The following HEPACAM2 variants were observed in gnomAD, a reference collection of about 807,000 sequenced individuals.
HEPACAM2 encodes HEPACAM family member 2.
In HEPACAM2, 49 loss-of-function variants were observed where a neutral mutation model predicts 49.6. The observed-to-expected ratio is 0.99, with a 90% confidence interval of 0.78 to 1.25. The LOEUF (loss-of-function observed/expected upper bound fraction) is 1.25, where lower values mean the gene tolerates loss of function less well. HEPACAM2 is among the 50% of genes most tolerant of loss of function. The pLI is 0.00. For synonymous variants in HEPACAM2, 197 were observed against 202.9 expected, an observed-to-expected ratio of 0.97 and a Z score of 0.25; for missense variants, 525 against 557.2, an observed-to-expected ratio of 0.94 and a Z score of 0.58.
chr7:93,228,958 C>G (rs757844035), upstream of HEPACAM2, among the ~76,000 whole-genome samples: 9 of 152,012 alleles, frequency 5.9e-5, no homozygotes, highest in Non-Finnish European at 1.0e-4. Context: ...AGTTTACAAT[C>G]TAGTTTATTT....
At chr7:93,208,446 G>T in intron 4 of HEPACAM2, 134 bp downstream of exon 4, 3 of 775,802 alleles carry the variant, frequency 3.9e-6, no homozygotes, top group East Asian at 3.0e-5. Flanking sequence ...GTTAACTTTG[G>T]AAAGAGAGAT....
At chr7:93,202,033 A>AAAAAAAAAAAAAAAAAAAAAAC (rs1562824501) in intron 4 of HEPACAM2, among the ~76,000 whole-genome samples, 1 of 14,622 alleles carries the variant, frequency 6.8e-5, no homozygotes, top group African/African-American at 3.1e-4. Flanking sequence ...AAAAAAAACC[A>AAAAAAAAAAAAAAAAAAAAAAC]AAAAAAAAAA....
chr7:93,224,950 G>A (rs7806953), intron 1 of HEPACAM2, among the ~76,000 whole-genome samples: 78,744 of 152,032 alleles, frequency 0.52, 24,521 homozygotes, highest in African/African-American at 0.88. Flanking sequence ...AGATTGCCAA[G>A]TCATCTGTGG....
chr7:93,227,923 C>CT (rs1794567159), upstream of HEPACAM2, among the ~76,000 whole-genome samples: 1 of 152,182 alleles, frequency 6.6e-6, no homozygotes, highest in South Asian at 2.1e-4. Flanking sequence ...AAACAAAACT[C>CT]TAAGTGCTCC....
chr7:93,191,551 C>T (rs949735029), intron 9 of HEPACAM2, among the ~76,000 whole-genome samples: 19 of 152,130 alleles, frequency 1.2e-4, no homozygotes, highest in African/African-American at 4.3e-4. Flanking sequence ...TGATCTGTGG[C>T]AGTTATGACT....
chr7:93,214,906 A>G (rs1050481846), intron 3 of HEPACAM2, among the ~76,000 whole-genome samples: 2 of 152,210 alleles, frequency 1.3e-5, no homozygotes, highest in East Asian at 3.8e-4. Flanking sequence ...ACCTATGGCT[A>G]GAGTTTAAAG....
chr7:93,208,556 C>T, intron 4 of HEPACAM2, 24 bp downstream of exon 4: 1 of 1,597,186 alleles, frequency 6.3e-7, no homozygotes, highest in Non-Finnish European at 8.6e-7. Context: ...TTATTAGGAT[C>T]CCTTCCTTGT....
At chr7:93,225,243 GAC>G (rs1189200609) in intron 1 of HEPACAM2, among the ~76,000 whole-genome samples, 1 of 152,068 alleles carries the variant, frequency 6.6e-6, no homozygotes, top group Non-Finnish European at 1.5e-5. Context: ...CAAAGGTAGT[GAC>G]AGTTATAATA....
At chr7:93,217,319 T>C (rs1326245745) in intron 2 of HEPACAM2, among the ~76,000 whole-genome samples, 3 of 152,194 alleles carry the variant, frequency 2.0e-5, no homozygotes, top group Non-Finnish European at 4.4e-5. Context: ...TACATTTGCT[T>C]AAAACAGTAT....
chr7:93,214,890 A>T (rs534524727), intron 3 of HEPACAM2, among the ~76,000 whole-genome samples: 9 of 152,304 alleles, frequency 5.9e-5, no homozygotes, highest in African/African-American at 2.2e-4. Context: ...GGACTTTTTC[A>T]TTTAAACCTA....
chr7:93,206,217 G>A (rs1794024888), intron 4 of HEPACAM2, among the ~76,000 whole-genome samples: 1 of 152,054 alleles, frequency 6.6e-6, no homozygotes, highest in Non-Finnish European at 1.5e-5. Flanking sequence ...TATTTTATGT[G>A]CTTAATTATG....
intron 9 of HEPACAM2, among the ~76,000 whole-genome samples, chr7:93,189,945 T>A (rs927365348): frequency 6.6e-6 from 1 of 151,994 alleles, no homozygotes; most frequent in Non-Finnish European, 1.5e-5. Context: ...AAACCACAGA[T>A]AATCAGGAAA....
chr7:93,211,731 C>A (rs1221941398), intron 3 of HEPACAM2, among the ~76,000 whole-genome samples: 1 of 151,724 alleles, frequency 6.6e-6, no homozygotes, highest in Non-Finnish European at 1.5e-5. Flanking sequence ...TGGTGCACAC[C>A]GAAGGAAACC....
At chr7:93,231,741 C>A in the HEPACAM2 span, among the ~76,000 whole-genome samples, 4 of 152,182 alleles carry the variant, frequency 2.6e-5, no homozygotes, top group Non-Finnish European at 5.9e-5. Context: ...TTCCCGTCAT[C>A]ACTGCTTTAG....
At position 93,192,282 on chromosome 7, in the gene HEPACAM2, T is replaced by C; in HGVS notation, c.1357A>G (p.Ile453Val). 6.2e-7 allele frequency: 1 copy of C among 1,612,758 alleles called. No individual in the cohort carries two copies. The highest frequency in any genetic ancestry group is 8.5e-7 in the Non-Finnish European group (1 of 1,179,078). Residue 453 changes from isoleucine to valine, a missense_variant, in exon 9 of 10, where the codon ATC becomes GTC. Coordinates refer to ENST00000394468, the MANE Select transcript of HEPACAM2 (RefSeq NM_001039372.4). ...GGATGGTCTTGCTGCTGGGCAGGGA[T>C]GTGCTGAATAACTTCATACACTGTA... ...HSTVYEVIQH[I>V]PAQQQDHPE
At chr7:93,216,147 T>C (rs949437389) in intron 2 of HEPACAM2, among the ~76,000 whole-genome samples, 1 of 152,172 alleles carries the variant, frequency 6.6e-6, no homozygotes, top group Non-Finnish European at 1.5e-5. Flanking sequence ...AATATACAGC[T>C]AACATATATA....
intron 2 of HEPACAM2, among the ~76,000 whole-genome samples, chr7:93,217,571 T>C (rs2116710271): frequency 6.6e-6 from 1 of 152,276 alleles, no homozygotes; most frequent in Middle Eastern, 3.4e-3. Context: ...TGCTTCTACC[T>C]TCTGCATCTT....
chr7:93,198,129 A>C (rs1447247180), intron 4 of HEPACAM2, among the ~76,000 whole-genome samples: 2 of 152,174 alleles, frequency 1.3e-5, no homozygotes, highest in Non-Finnish European at 2.9e-5. Flanking sequence ...AAAAAAATTA[A>C]AAAGAAAAAA....
upstream of HEPACAM2, among the ~76,000 whole-genome samples, chr7:93,229,077 A>T (rs6967654): frequency 1.8e-3 from 272 of 152,340 alleles, no homozygotes; most frequent in African/African-American, 6.4e-3. Context: ...GCAGTGGCAG[A>T]AACAATTAAG....
Sources: allele counts gnomAD v4.1 joint callset (sites outside exome capture counted in the v4.1 genomes callset), GRCh38; gene constraint gnomAD v4.1.1; transcripts MANE v1.5; gene names NCBI Gene and HGNC (gene_info 2026-07-23, HGNC 2026-07-21).